NCAM2: variants seen among roughly 807,000 people sequenced by gnomAD.
NCAM2 encodes N-CAM-2.
NCAM2 carries 30 observed loss-of-function variants against 98.1 expected under a neutral mutation model. That is an observed-to-expected ratio of 0.31 (90% CI 0.23 to 0.41). The LOEUF (loss-of-function observed/expected upper bound fraction) is 0.41, where lower values mean the gene tolerates loss of function less well. Among genes scored for constraint, NCAM2 ranks in the 10% least tolerant of loss-of-function variants. The pLI is 1.00. For synonymous variants in NCAM2, 368 were observed against 342.4 expected, an observed-to-expected ratio of 1.07 and a Z score of -0.83; for missense variants, 867 against 1,005.8, an observed-to-expected ratio of 0.86 and a Z score of 1.87.
intron 1 of NCAM2, among the ~76,000 whole-genome samples, chr21:21,040,110 A>G (rs2064874112): frequency 6.6e-6 from 1 of 152,182 alleles, no homozygotes; most frequent in South Asian, 2.1e-4. Flanking sequence ...TACTCCTCTT[A>G]CTAGGCTAAC....
At chr21:21,104,922 C>T (rs2066315248) in intron 1 of NCAM2, among the ~76,000 whole-genome samples, 1 of 152,026 alleles carries the variant, frequency 6.6e-6, no homozygotes, top group Admixed American at 6.6e-5. Context: ...GGGAGCAGCC[C>T]AGTGGGGAGG....
At chr21:21,110,435 C>A (rs1429467755) in intron 1 of NCAM2, among the ~76,000 whole-genome samples, 1 of 151,778 alleles carries the variant, frequency 6.6e-6, no homozygotes, top group Non-Finnish European at 1.5e-5. Flanking sequence ...TCACTGAGCA[C>A]TAAAGGCACT....
intron 1 of NCAM2, among the ~76,000 whole-genome samples, chr21:21,060,793 C>T (rs1601240910): frequency 6.6e-6 from 1 of 151,948 alleles, no homozygotes; most frequent in Non-Finnish European, 1.5e-5. Flanking sequence ...GAGCTTAGAG[C>T]AGGTACAGTG....
At chr21:21,317,170 ATTC>A (rs1362981464) in intron 5 of NCAM2, among the ~76,000 whole-genome samples, 1 of 152,086 alleles carries the variant, frequency 6.6e-6, no homozygotes, top group Non-Finnish European at 1.5e-5. Context: ...CCCCTCTCAG[ATTC>A]TTCACTCTTC....
At chr21:21,330,532 CTTAAA>C (rs1238501868) in intron 6 of NCAM2, among the ~76,000 whole-genome samples, 10 of 151,456 alleles carry the variant, frequency 6.6e-5, no homozygotes, top group East Asian at 3.9e-4. Context: ...TTTATTGAGT[CTTAAA>C]TTAAAGTATG....
intron 8 of NCAM2, among the ~76,000 whole-genome samples, chr21:21,363,975 T>C (rs1399131787): frequency 6.6e-6 from 1 of 152,058 alleles, no homozygotes; most frequent in African/African-American, 2.4e-5. Flanking sequence ...AAAAGCTTGA[T>C]TTGTATATAG....
intron 5 of NCAM2, among the ~76,000 whole-genome samples, chr21:21,312,714 G>A (rs1305786105): frequency 6.6e-6 from 1 of 151,602 alleles, no homozygotes; most frequent in African/African-American, 2.4e-5. Flanking sequence ...TAAATTATCA[G>A]CATAATGCTG....
intron 1 of NCAM2, among the ~76,000 whole-genome samples, chr21:21,125,819 C>A (rs1299819700): frequency 6.7e-6 from 1 of 149,632 alleles, no homozygotes; most frequent in Non-Finnish European, 1.5e-5. Context: ...GGATTTAATG[C>A]AGCACAATAG....
At chr21:21,237,410 T>C (rs2070875147) in intron 1 of NCAM2, among the ~76,000 whole-genome samples, 1 of 152,144 alleles carries the variant, frequency 6.6e-6, no homozygotes, top group South Asian at 2.1e-4. Context: ...TAGCAAATTG[T>C]AGTATAATTA....
At chr21:21,150,955 T>G (rs966689022) in intron 1 of NCAM2, among the ~76,000 whole-genome samples, 5 of 141,922 alleles carry the variant, frequency 3.5e-5, no homozygotes, top group Admixed American at 1.5e-4. Context: ...TGGCTAACTT[T>G]TTTTTGTGGG....
chr21:21,300,640 T>A (rs1012344758), intron 5 of NCAM2, among the ~76,000 whole-genome samples: 4 of 152,090 alleles, frequency 2.6e-5, no homozygotes, highest in African/African-American at 9.7e-5. Flanking sequence ...AAAGGTGATA[T>A]TTTATAACCT....
chr21:21,126,698 T>C (rs977258946), intron 1 of NCAM2, among the ~76,000 whole-genome samples: 2 of 152,056 alleles, frequency 1.3e-5, no homozygotes, highest in African/African-American at 4.8e-5. Context: ...GCTAATCTTA[T>C]GTTTTGTGAA....
intron 8 of NCAM2, among the ~76,000 whole-genome samples, chr21:21,351,439 T>C (rs1241374511): frequency 5.3e-5 from 8 of 152,158 alleles, no homozygotes; most frequent in Non-Finnish European, 1.2e-4. Flanking sequence ...GTTGTGTACT[T>C]AATTGTAATA....
intron 1 of NCAM2, among the ~76,000 whole-genome samples, chr21:21,064,943 C>T (rs2065402115): frequency 6.6e-6 from 1 of 151,920 alleles, no homozygotes; most frequent in African/African-American, 2.4e-5. Flanking sequence ...ACTTTGGAAG[C>T]CTGAGGCAGG....
chr21:21,078,703 A>G (rs1377949514), intron 1 of NCAM2, among the ~76,000 whole-genome samples: 1 of 152,248 alleles, frequency 6.6e-6, no homozygotes, highest in African/African-American at 2.4e-5. Flanking sequence ...CCAAAGGAAT[A>G]TAAATCATTA....
intron 15 of NCAM2, among the ~76,000 whole-genome samples, chr21:21,478,147 A>T (rs2146264451): frequency 6.6e-6 from 1 of 152,298 alleles, no homozygotes; most frequent in South Asian, 2.1e-4. Flanking sequence ...ATGCTCTTGA[A>T]GTAAAGATGC....
intron 1 of NCAM2, among the ~76,000 whole-genome samples, chr21:21,216,529 C>G (rs1379177356): frequency 6.6e-6 from 1 of 152,170 alleles, no homozygotes; most frequent in Non-Finnish European, 1.5e-5. Flanking sequence ...AATACTTGCT[C>G]TCTGAGTTGA....
intron 1 of NCAM2, among the ~76,000 whole-genome samples, chr21:21,272,492 A>C (rs1264680961): frequency 9.7e-6 from 1 of 102,656 alleles, no homozygotes; most frequent in Non-Finnish European, 1.9e-5. Context: ...ACACATACAC[A>C]CACATGCGCG....
chr21:21,533,521 T>A (rs1249880897), intron 16 of NCAM2, among the ~76,000 whole-genome samples: 2 of 152,004 alleles, frequency 1.3e-5, no homozygotes, highest in African/African-American at 4.8e-5. Flanking sequence ...ACCCATTACC[T>A]ACTATCCATT....
Sources: allele counts gnomAD v4.1 joint callset (sites outside exome capture counted in the v4.1 genomes callset), GRCh38; gene constraint gnomAD v4.1.1; transcripts MANE v1.5; gene names NCBI Gene and HGNC (gene_info 2026-07-23, HGNC 2026-07-21).